The following ALG5 variants were observed in gnomAD, a reference collection of about 807,000 sequenced individuals.
ALG5 encodes the protein dolichyl-phosphate beta-glucosyltransferase.
In ALG5, 26 loss-of-function variants were observed where a neutral mutation model predicts 51.8. That is an observed-to-expected ratio of 0.50 (90% CI 0.37 to 0.70). The LOEUF (loss-of-function observed/expected upper bound fraction) is 0.70, where lower values mean the gene tolerates loss of function less well. Ranked by LOEUF, ALG5 falls within the 30% of genes least tolerant of loss-of-function variation. ALG5 has a pLI of 0.00. For synonymous variants in ALG5, 141 were observed against 136.1 expected (o/e 1.04, Z -0.25); for missense variants, 311 against 399.3 (o/e 0.78, Z 1.88).
chr13:36,988,989 T>C (rs1357535054), intron 5 of ALG5, among the ~76,000 whole-genome samples: 1 of 152,238 alleles, frequency 6.6e-6, no homozygotes, highest in African/African-American at 2.4e-5. Context: ...AGTAACCTCT[T>C]TTTTGAAATT....
chr13:36,989,145 A>G (rs373785965), intron 5 of ALG5, among the ~76,000 whole-genome samples: 1 of 152,226 alleles, frequency 6.6e-6, no homozygotes, highest in South Asian at 2.1e-4. Context: ...GCATAACAGC[A>G]TACCTTCATC....
chr13:36,979,136 C>A (rs2058967446), intron 6 of ALG5, among the ~76,000 whole-genome samples: 1 of 151,966 alleles, frequency 6.6e-6, no homozygotes, highest in South Asian at 2.1e-4. Flanking sequence ...CCTGCTTCGG[C>A]CTCCTGAGTA....
At chr13:36,993,731 T>C in intron 3 of ALG5, 59 bp from the exon 4 acceptor site, 1 of 1,370,394 alleles carries the variant, frequency 7.3e-7, no homozygotes, top group East Asian at 2.3e-5. Context: ...AGTATTCTAA[T>C]CAAATCACCA....
intron 5 of ALG5, among the ~76,000 whole-genome samples, chr13:36,986,755 T>C (rs192919561): frequency 4.5e-4 from 68 of 152,174 alleles, no homozygotes; most frequent in Non-Finnish European, 8.4e-4. Context: ...TGAGACTCCA[T>C]CTCTACAAAA....
chr13:36,951,387 G>A (rs571701386), intron 9 of ALG5, among the ~76,000 whole-genome samples: 1 of 152,280 alleles, frequency 6.6e-6, no homozygotes, highest in South Asian at 2.1e-4. Flanking sequence ...ATGTAAAGAG[G>A]TTTGAATTCA....
At chr13:36,991,135 T>C (rs1314331446) in intron 4 of ALG5, among the ~76,000 whole-genome samples, 5 of 152,118 alleles carry the variant, frequency 3.3e-5, no homozygotes, top group Non-Finnish European at 5.9e-5. Flanking sequence ...CCGTGAACAT[T>C]AGCAGTATTT....
In ALG5 at chr13:36,963,802, A is replaced by G. The variant is rs183759424; in HGVS notation, c.773+1773T>C. On this transcript the variant is annotated intron_variant, in intron 8 of 9. Coordinates refer to ENST00000239891, the MANE Select transcript of ALG5 (RefSeq NM_013338.5). ...ACAGGTCTTTGAAAACAGATGCACA[A>G]AAATTGTAGAGAGTATAAAAATGGA... 3.3e-4 allele frequency among the ~76,000 whole-genome samples: 50 copies of G among 152,320 alleles called. No homozygotes were observed. In the East Asian group the frequency reaches 8.9e-3, roughly 27 times the overall value.
chr13:36,950,676 C>T (rs2058814250), intron 9 of ALG5, among the ~76,000 whole-genome samples: 2 of 151,944 alleles, frequency 1.3e-5, no homozygotes, highest in South Asian at 4.1e-4. Flanking sequence ...ACCTCCCGGG[C>T]TCAAACGATC....
intron 7 of ALG5, chr13:36,967,749 T>TACA: frequency 9.2e-7 from 1 of 1,089,252 alleles, no homozygotes; most frequent in East Asian, 5.8e-5. Context: ...GTGCCTTCCA[T>TACA]ACAAAATACT....
chr13:36,964,843 T>A (rs1242682072), intron 8 of ALG5, among the ~76,000 whole-genome samples: 1 of 151,052 alleles, frequency 6.6e-6, no homozygotes, highest in East Asian at 1.9e-4. Flanking sequence ...GAGAATCACT[T>A]GAACGCGGGA....
chr13:36,955,798 G>A (rs561910916), intron 8 of ALG5, among the ~76,000 whole-genome samples: 1 of 150,108 alleles, frequency 6.7e-6, no homozygotes, highest in East Asian at 2.0e-4. Context: ...GCAGAAGGAC[G>A]AAACTGGACC....
intron 5 of ALG5, 99 bp from the exon 6 acceptor site, chr13:36,985,839 G>T: frequency 1.4e-6 from 1 of 713,016 alleles, no homozygotes; most frequent in Non-Finnish European, 2.3e-6. Context: ...AAGAGTGAAA[G>T]ATGAGGTATG....
intron 7 of ALG5, among the ~76,000 whole-genome samples, 171 bp from the exon 8 acceptor site, chr13:36,965,897 A>G (rs1464979136): frequency 6.6e-6 from 1 of 152,206 alleles, no homozygotes; most frequent in Non-Finnish European, 1.5e-5. Context: ...AGAAACAGCA[A>G]GAATGCCTAC....
At chr13:36,988,134 G>A (rs1410180884) in intron 5 of ALG5, among the ~76,000 whole-genome samples, 3 of 152,002 alleles carry the variant, frequency 2.0e-5, no homozygotes, top group African/African-American at 7.2e-5. Flanking sequence ...CCTCCTCTGG[G>A]ACATCTGTGC....
chr13:36,984,540 T>G (rs1219855881), intron 6 of ALG5, among the ~76,000 whole-genome samples: 1 of 152,074 alleles, frequency 6.6e-6, no homozygotes, highest in African/African-American at 2.4e-5. Context: ...TACACTGTCT[T>G]AAATCTTTTG....
chr13:36,960,569 G>A (rs2058861445), intron 8 of ALG5, among the ~76,000 whole-genome samples: 1 of 152,158 alleles, frequency 6.6e-6, no homozygotes, highest in African/African-American at 2.4e-5. Context: ...CTGGAGTGCA[G>A]TGGTGCAATC....
At chr13:36,997,211 G>A (rs1208658431) in intron 1 of ALG5, among the ~76,000 whole-genome samples, 1 of 152,138 alleles carries the variant, frequency 6.6e-6, no homozygotes, top group Non-Finnish European at 1.5e-5. Flanking sequence ...GGTGGCTCAT[G>A]TCTGTAATCC....
At chr13:36,993,704 T>A in intron 3 of ALG5, 32 bp from the exon 4 acceptor site, 2 of 1,571,336 alleles carry the variant, frequency 1.3e-6, no homozygotes, top group Non-Finnish European at 1.7e-6. Flanking sequence ...TAATACAATT[T>A]GGCATAACTG....
At chr13:36,993,824 A>T in intron 3 of ALG5, 152 bp from the exon 4 acceptor site, 1 of 644,500 alleles carries the variant, frequency 1.6e-6, no homozygotes, top group Non-Finnish European at 2.7e-6. Context: ...TAAAATAAAA[A>T]GGCTAAGTAA....
Sources: gnomAD v4.1 joint callset for allele counts (sites outside exome capture counted in the v4.1 genomes callset) on GRCh38, gnomAD v4.1.1 for gene constraint, MANE v1.5 for transcripts, NCBI Gene and HGNC (gene_info 2026-07-23, HGNC 2026-07-21) for gene names.